TIMD4: variants seen among roughly 807,000 people sequenced by gnomAD.
TIMD4 encodes the protein T-cell immunoglobulin and mucin domain-containing protein 4.
In TIMD4, 31 loss-of-function variants were observed where a neutral mutation model predicts 41.2. The observed-to-expected ratio is 0.75, with a 90% CI of 0.57 to 1.01. The LOEUF is 1.01. TIMD4 is among the 50% of genes least tolerant of loss of function. The pLI is 0.00. For missense variants in TIMD4, 479 were observed against 472.5 expected, an observed-to-expected ratio of 1.01 and a Z score of -0.13; for synonymous variants, 204 against 177.1, an observed-to-expected ratio of 1.15 and a Z score of -1.21.
intron 5 of TIMD4, among the ~76,000 whole-genome samples, chr5:156,926,518 G>A (rs1283937407): frequency 6.6e-6 from 1 of 152,184 alleles, no homozygotes; most frequent in Non-Finnish European, 1.5e-5. Context: ...CGTTATCCCT[G>A]GGAACATCAC....
chr5:156,954,372 T>C (rs761597210), intron 2 of TIMD4, 43 bp downstream of exon 2: 141 of 1,567,480 alleles, frequency 9.0e-5, no homozygotes, highest in Non-Finnish European at 1.2e-4. Context: ...CATTAACCAC[T>C]GAATCTCTCC....
At chr5:156,956,206 T>C (rs192583273) in intron 1 of TIMD4, among the ~76,000 whole-genome samples, 2 of 152,270 alleles carry the variant, frequency 1.3e-5, no homozygotes, top group East Asian at 3.9e-4. Context: ...TTTTAGATTC[T>C]GCATATAAGT....
intron 5 of TIMD4, among the ~76,000 whole-genome samples, chr5:156,947,005 C>G (rs1460245985): frequency 2.6e-5 from 4 of 151,880 alleles, no homozygotes; most frequent in Non-Finnish European, 1.5e-5. Context: ...CAAGACCAAC[C>G]AGGGCAACGT....
chr5:156,923,662 C>T (rs1225846243), intron 6 of TIMD4, among the ~76,000 whole-genome samples: 4 of 151,978 alleles, frequency 2.6e-5, no homozygotes, highest in South Asian at 2.1e-4. Context: ...CCTCAGCCTC[C>T]TGAGTAGCTG....
intron 8 of TIMD4, among the ~76,000 whole-genome samples, 195 bp from the exon 9 acceptor site, chr5:156,919,736 T>C (rs190807098): frequency 2.6e-5 from 4 of 152,290 alleles, no homozygotes; most frequent in Admixed American, 2.6e-4. Flanking sequence ...TCCATTATAA[T>C]GAGATAAAAA....
intron 8 of TIMD4, among the ~76,000 whole-genome samples, chr5:156,920,171 C>G (rs73813907): frequency 0.018 from 2,673 of 152,266 alleles, 82 homozygotes; most frequent in African/African-American, 0.059. Context: ...CTAACTTACC[C>G]ATAGGTGAAC....
At chr5:156,947,353 C>T (rs1246049033) in intron 5 of TIMD4, among the ~76,000 whole-genome samples, 2 of 151,876 alleles carry the variant, frequency 1.3e-5, no homozygotes, top group African/African-American at 4.8e-5. Flanking sequence ...TTGGCACAGC[C>T]TTTTCTGAGA....
At chr5:156,926,380 A>G (rs1759348076) in intron 5 of TIMD4, 68 bp from the exon 6 acceptor site, 3 of 1,521,330 alleles carry the variant, frequency 2.0e-6, no homozygotes, top group African/African-American at 2.7e-5. Context: ...ATCCTGAAAT[A>G]GGTAATTAAG....
chr5:156,941,077 G>A (rs896116289), intron 5 of TIMD4, among the ~76,000 whole-genome samples: 2 of 152,184 alleles, frequency 1.3e-5, no homozygotes, highest in African/African-American at 4.8e-5. Context: ...GATTAAGGGC[G>A]GTGCAAGATG....
At chr5:156,951,867 C>T in intron 2 of TIMD4, 77 bp from the exon 3 acceptor site, 1 of 1,576,750 alleles carries the variant, frequency 6.3e-7, no homozygotes, top group Non-Finnish European at 8.6e-7. Flanking sequence ...TATCTGGGAC[C>T]CATCCATTTC....
rs10628617 is a variant in TIMD4, at chr5:156,933,006, AAAAAG to A, written c.845-6699_845-6695del. On this transcript the variant is annotated intron_variant, in intron 5 of 8. Coordinates refer to ENST00000274532, the MANE Select transcript of TIMD4 (RefSeq NM_138379.3). Reference sequence around the variant, plus strand: ...GCAACCGAGTAAGACTCTGTCTCAAAAAAAGAAAAGAAAAGAAAAGAAAAGAAAAT... The same window carrying A: ...GCAACCGAGTAAGACTCTGTCTCAAAAAAAGAAAAGAAAAGAAAAGAAAAT... Among the ~76,000 whole-genome samples the A allele has an allele frequency of 4.4e-3, 657 of 150,122 alleles. 3 individuals are homozygous for A. Among genetic ancestry groups the A allele is most frequent in the Non-Finnish European group, 6.9e-3 (467 of 67,730 alleles).
At chr5:156,933,856 G>A (rs1004532362) in intron 5 of TIMD4, among the ~76,000 whole-genome samples, 5 of 152,116 alleles carry the variant, frequency 3.3e-5, no homozygotes, top group African/African-American at 4.8e-5. Flanking sequence ...CACCGTGCCC[G>A]GCCCTTTCTG....
chr5:156,935,519 G>C (rs1759524053), intron 5 of TIMD4: 1 of 152,240 alleles, frequency 6.6e-6, no homozygotes. Flanking sequence ...AGTTCCAAGG[G>C]AAGAATTGGG....
At chr5:156,925,082 G>A (rs772250660) in intron 6 of TIMD4, among the ~76,000 whole-genome samples, 6 of 152,202 alleles carry the variant, frequency 3.9e-5, no homozygotes, top group African/African-American at 1.4e-4. Flanking sequence ...GCCAAGATGG[G>A]TGGACCACTT....
chr5:156,926,244 T>C lies in TIMD4; in HGVS notation c.894+19A>G, dbSNP rs749815651. 2 of 1,612,460 alleles carry C rather than the reference T, an allele frequency of 1.2e-6. No homozygotes were observed. Among genetic ancestry groups the C allele is most frequent in the African/African-American group, 2.7e-5 (2 of 75,028 alleles). ...TACTATTTAAGTGATATACTGCAAA[T>C]ACTTCACAGATTTTTTACCTGTCCT... On this transcript the variant is annotated intron_variant, in intron 6 of 8. Coordinates refer to ENST00000274532, the MANE Select transcript of TIMD4 (RefSeq NM_138379.3).
intron 8 of TIMD4, among the ~76,000 whole-genome samples, chr5:156,919,770 C>T (rs1460517863): frequency 6.6e-6 from 1 of 152,148 alleles, no homozygotes; most frequent in Admixed American, 6.5e-5. Context: ...AATATAAAAT[C>T]ATGATTTCAA....
chr5:156,945,476 G>A (rs1341205720), intron 5 of TIMD4, among the ~76,000 whole-genome samples: 1 of 152,152 alleles, frequency 6.6e-6, no homozygotes, highest in Non-Finnish European at 1.5e-5. Context: ...TGCCTAGGAG[G>A]TTGTTGTGAG....
chr5:156,943,162 C>A lies in TIMD4; in HGVS notation c.844+5254G>T, dbSNP rs184955772. Among the ~76,000 whole-genome samples, 13 of 152,252 alleles carry A rather than the reference C, an allele frequency of 8.5e-5. No homozygotes were observed. The East Asian group carries it at 2.5e-3, about 29-fold the overall frequency. On this transcript the variant is annotated intron_variant, in intron 5 of 8. Transcript: ENST00000274532. Reference sequence around the variant, plus strand: ...AGCTGGCAGAAGTGGCCTCTTGTTACCCTGCTGGACTGCCTGAAAATGAAG... The same window carrying A: ...AGCTGGCAGAAGTGGCCTCTTGTTAACCTGCTGGACTGCCTGAAAATGAAG...
chr5:156,947,084 G>A (rs2113376591), intron 5 of TIMD4, among the ~76,000 whole-genome samples: 1 of 152,120 alleles, frequency 6.6e-6, no homozygotes, highest in Admixed American at 6.5e-5. Context: ...TGTAGTCCCA[G>A]CTACTCAGAA....
Sources: allele counts gnomAD v4.1 joint callset (sites outside exome capture counted in the v4.1 genomes callset), GRCh38; gene constraint gnomAD v4.1.1; transcripts MANE v1.5; gene names NCBI Gene and HGNC (gene_info 2026-07-23, HGNC 2026-07-21).